The following CEACAM1 variants were observed in gnomAD, a reference collection of about 807,000 sequenced individuals.
The protein encoded by CEACAM1 is cell adhesion molecule CEACAM1.
A neutral mutation model predicts 49.1 loss-of-function variants in CEACAM1; 31 were observed. The observed-to-expected ratio is 0.63, with a 90% CI of 0.47 to 0.85. The LOEUF is 0.85. Ranked by LOEUF, CEACAM1 falls within the 40% of genes least tolerant of loss-of-function variation. The pLI is 0.00. For missense variants in CEACAM1, 570 were observed against 645.3 expected, an observed-to-expected ratio of 0.88 and a Z score of 1.26; for synonymous variants, 244 against 247.8, an observed-to-expected ratio of 0.98 and a Z score of 0.14.
In CEACAM1 at chr19:42,527,441, T is replaced by C. The variant is rs371360530; in HGVS notation, c.65-41A>G. On this transcript the variant is annotated intron_variant, in intron 1 of 8. Transcript: ENST00000161559. ...GAGCATCAGTCAATATTGGGACCTATGCATTAGGGTAGAAAAATGGGGCCT... is the reference window on the plus strand; with the variant it reads ...GAGCATCAGTCAATATTGGGACCTACGCATTAGGGTAGAAAAATGGGGCCT... 3 of 1,538,112 alleles carry C rather than the reference T, an allele frequency of 2.0e-6. No homozygotes were observed. In the Admixed American group the frequency reaches 6.3e-5, roughly 32 times the overall value.
chr19:42,513,985 A>T (rs1600217809), intron 5 of CEACAM1, among the ~76,000 whole-genome samples: 1 of 105,066 alleles, frequency 9.5e-6, no homozygotes, highest in Non-Finnish European at 1.8e-5. Flanking sequence ...TTTTTGAGGC[A>T]GGTTCTCACT....
chr19:42,527,018 A>G, intron 2 of CEACAM1, 23 bp downstream of exon 2: 1 of 1,580,342 alleles, frequency 6.3e-7, no homozygotes, highest in Non-Finnish European at 8.6e-7. Flanking sequence ...CCCAACACCC[A>G]GAGGTCATGG....
chr19:42,517,163 A>G (rs1390796813), intron 5 of CEACAM1, among the ~76,000 whole-genome samples: 1 of 152,234 alleles, frequency 6.6e-6, no homozygotes, highest in African/African-American at 2.4e-5. Context: ...ATGTAACACC[A>G]TATATAAAAA....
Position 42,524,569 on chromosome 19 carries a change from G to A in CEACAM1, c.425-2367C>T, listed in dbSNP as rs781053243. Among the ~76,000 whole-genome samples, 14 of 152,180 alleles carry A rather than the reference G, an allele frequency of 9.2e-5. 1 individual carries two copies. The highest frequency in any genetic ancestry group is 1.5e-4 in the Non-Finnish European group (10 of 68,034). ...GGGTGGCTGCTCTGGGCTCATTTCT[G>A]TGCCTTTCCTATTGCCTGGGAGGTG... On this transcript the variant is annotated intron_variant, in intron 2 of 8. Coordinates refer to ENST00000161559, the MANE Select transcript of CEACAM1 (RefSeq NM_001712.5).
Position 42,519,695 on chromosome 19 carries a change from G to A in CEACAM1, c.959-460C>T, listed in dbSNP as rs553092803. On this transcript the variant is annotated intron_variant, in intron 4 of 8. Transcript: ENST00000161559. ...AGCCATTCTCCTGCCTCAGCCTCCCGAGTAGCTGGGACTAAAGGCATGTGC... is the reference window on the plus strand; with the variant it reads ...AGCCATTCTCCTGCCTCAGCCTCCCAAGTAGCTGGGACTAAAGGCATGTGC... 7.3e-5 allele frequency among the ~76,000 whole-genome samples: 11 copies of A among 151,288 alleles called. No individual in the cohort carries two copies. The East Asian group carries it at 2.2e-3, about 30-fold the overall frequency.
At position 42,522,024 on chromosome 19, in the gene CEACAM1, A is replaced by C; in HGVS notation, c.603T>G (p.Thr201=). 4 of 1,614,176 alleles carry C rather than the reference A, an allele frequency of 2.5e-6. No homozygotes were observed. The highest frequency in any genetic ancestry group is 3.4e-6 in the Non-Finnish European group (4 of 1,180,032). The change falls in exon 3 of 9, where the codon ACT becomes ACG. Residue 201 remains threonine, a synonymous_variant. Transcript: ENST00000161559. ...TGTCATTCCTTGTGACACTGAGTAG[A>C]GTGAGGGTCCTGTTGCCATTGGACA... ...LQLSNGNRTL[T]LLSVTRNDTG... is the part of the protein sequence containing the mutation.
rs147686444 is a variant in CEACAM1 at position 42,516,033 on chromosome 19, C to T, written c.1246+2915G>A. Among the ~76,000 whole-genome samples the T allele has an allele frequency of 2.0e-5, 3 of 152,232 alleles. No homozygotes were observed. In the East Asian group the frequency reaches 5.8e-4, roughly 29 times the overall value. ...ACTAGGAATAGAAGGAAATTCTCAA[C>T]ATAATAAATGCTACATGTGAAAACC... On this transcript the variant is annotated intron_variant, in intron 5 of 8. Transcript: ENST00000161559.
rs758794963 is a variant in CEACAM1, at chr19:42,518,952, T to G, written c.1242A>C (p.Val414=). ...KNQSDPIMLN[V]NYNALPQENG... ...AAGGGGTGAGGAGTCACTTACAGTT[T>G]ACGTTCAGCATGATGGGGTCGCTTT... Residue 414 remains valine (V), a synonymous_variant, in exon 5 of 9, where the codon GTA becomes GTC. Coordinates refer to ENST00000161559, the MANE Select transcript of CEACAM1 (RefSeq NM_001712.5). 2 of 1,614,188 alleles carry G rather than the reference T, an allele frequency of 1.2e-6. No homozygotes were observed. Among genetic ancestry groups the G allele is most frequent in the Non-Finnish European group, 8.5e-7 (1 of 1,180,028 alleles).
At chr19:42,512,881 T>G (rs2041496327) in intron 5 of CEACAM1, among the ~76,000 whole-genome samples, 1 of 152,120 alleles carries the variant, frequency 6.6e-6, no homozygotes, top group South Asian at 2.1e-4. Flanking sequence ...TTGGTCAGAC[T>G]GGTCTTGAAC....
At position 42,521,780 on chromosome 19, in the gene CEACAM1, C is replaced by T. The variant is rs41377750; in HGVS notation, c.703+144G>A. 257 of 1,555,066 alleles carry T rather than the reference C, an allele frequency of 1.7e-4. No individual in the cohort carries two copies. In the African/African-American group the frequency reaches 3.0e-3, roughly 18 times the overall value. Reference sequence around the variant, plus strand: ...TCAGGCTGGGGCTGCCCAGGTTTGCCTGGGGAAAGGAAGTCATGGCCAGCC... The same window carrying T: ...TCAGGCTGGGGCTGCCCAGGTTTGCTTGGGGAAAGGAAGTCATGGCCAGCC... On this transcript the variant is annotated intron_variant, in intron 3 of 8. Coordinates refer to ENST00000161559, the MANE Select transcript of CEACAM1 (RefSeq NM_001712.5).
At chr19:42,527,631 G>GGGAGCCATGC in intron 1 of CEACAM1, 1 of 553,680 alleles carries the variant, frequency 1.8e-6, no homozygotes, top group Non-Finnish European at 3.0e-6. Flanking sequence ...CCCTTCCCCA[G>GGGAGCCATGC]GGATCCGCAT....
intron 5 of CEACAM1, among the ~76,000 whole-genome samples, chr19:42,513,839 C>T (rs2041523860): frequency 7.0e-6 from 1 of 142,982 alleles, no homozygotes; most frequent in Non-Finnish European, 1.5e-5. Flanking sequence ...CCCCCTTTCC[C>T]ATATTTGATC....
In CEACAM1 at chr19:42,519,027, C is replaced by T; in HGVS notation, c.1167G>A (p.Glu389=). 6.2e-7 allele frequency: 1 copy of T among 1,614,172 alleles called. No individual in the cohort carries two copies. Among genetic ancestry groups the T allele is most frequent in the Non-Finnish European group, 8.5e-7 (1 of 1,180,032 alleles). The part of the protein sequence containing the change: ...TTLSINPVKR[E]DAGTYWCEVF... ...CCTCACACCAATACGTCCCAGCATC[C>T]TCCCTCTTGACAGGGTTTATGCTGA... The change falls in exon 5 of 9, where the codon GAG becomes GAA. Residue 389 remains glutamate, a synonymous_variant. Transcript: ENST00000161559.
intron 5 of CEACAM1, among the ~76,000 whole-genome samples, chr19:42,516,439 A>C (rs1568654929): frequency 6.6e-6 from 1 of 152,168 alleles, no homozygotes; most frequent in Non-Finnish European, 1.5e-5. Context: ...AAATAAACTT[A>C]ACCAAAGAGG....
intron 5 of CEACAM1, among the ~76,000 whole-genome samples, chr19:42,513,917 T>TATAA (rs1395679051): frequency 7.7e-5 from 10 of 129,598 alleles, no homozygotes; most frequent in African/African-American, 2.8e-4. Flanking sequence ...TATATATATA[T>TATAA]AATATATAAA....
chr19:42,511,838 CT>C (rs2041463677), intron 6 of CEACAM1, among the ~76,000 whole-genome samples: 1 of 151,932 alleles, frequency 6.6e-6, no homozygotes, highest in Non-Finnish European at 1.5e-5. Context: ...TCATTTCATT[CT>C]TTATCAGCTG....
intron 2 of CEACAM1, among the ~76,000 whole-genome samples, chr19:42,525,100 GAGTGAGGAGAGAA>G (rs1568665148): frequency 6.6e-6 from 1 of 152,112 alleles, no homozygotes; most frequent in Non-Finnish European, 1.5e-5. Context: ...TGCAGGGTGT[GAGTGAGGAGAGAA>G]AGCAAAGTCC....
Position 42,513,837 on chromosome 19 carries a change from C to T in CEACAM1, c.1247-1358G>A, listed in dbSNP as rs1004632693. Among the ~76,000 whole-genome samples, 99 of 143,904 alleles carry T rather than the reference C, an allele frequency of 6.9e-4. 1 individual carries two copies. Among genetic ancestry groups the T allele is most frequent in the African/African-American group, 2.6e-3 (98 of 37,474 alleles). The allele number at this position is 143,904 out of a possible 152,430, so 94.4% of individuals were successfully genotyped here. A position where few individuals can be genotyped will look rare whatever the true frequency, so the allele number is the denominator to read the frequency against. Reference sequence around the variant, plus strand: ...GCTTTACCTCCTTTTTTCCCCCTTTCCCATATTTGATCATAGCCATGTCCC... The same window carrying T: ...GCTTTACCTCCTTTTTTCCCCCTTTTCCATATTTGATCATAGCCATGTCCC... On this transcript the variant is annotated intron_variant, in intron 5 of 8. Coordinates refer to ENST00000161559, the MANE Select transcript of CEACAM1 (RefSeq NM_001712.5).
In CEACAM1 at chr19:42,527,006, C is replaced by A. The variant is rs767891864; in HGVS notation, c.424+35G>T. Reference sequence around the variant, plus strand: ...CCCATGTGTGGGAAGTAGAACTAACCCCCCAACACCCAGAGGTCATGGGGA... The same window carrying A: ...CCCATGTGTGGGAAGTAGAACTAACACCCCAACACCCAGAGGTCATGGGGA... On this transcript the variant is annotated intron_variant, in intron 2 of 8. Coordinates refer to ENST00000161559, the MANE Select transcript of CEACAM1 (RefSeq NM_001712.5). 22 of 1,573,412 alleles carry A rather than the reference C, an allele frequency of 1.4e-5. No homozygotes were observed. The East Asian group carries it at 4.5e-4, about 32-fold the overall frequency.
Sources: allele counts gnomAD v4.1 joint callset (sites outside exome capture counted in the v4.1 genomes callset), GRCh38; gene constraint gnomAD v4.1.1; transcripts MANE v1.5; gene names NCBI Gene and HGNC (gene_info 2026-07-23, HGNC 2026-07-21).